The following GALK2 variants were observed in gnomAD, a reference collection of about 807,000 sequenced individuals.
GALK2 encodes galactokinase 2.
Under a neutral mutation model 52.4 loss-of-function variants are expected in GALK2, and 36 were observed. That is an observed-to-expected ratio of 0.69 (90% confidence interval 0.53 to 0.91). GALK2 has a LOEUF of 0.91. Among genes scored for constraint, GALK2 ranks in the 40% least tolerant of loss-of-function variants. The pLI is 0.00. For missense variants in GALK2, 579 were observed against 559.1 expected (o/e 1.04, Z -0.36); for synonymous variants, 176 against 199.1 (o/e 0.88, Z 0.98).
chr15:49,197,167 T>C (rs1021940630), intron 1 of GALK2, among the ~76,000 whole-genome samples: 3 of 152,236 alleles, frequency 2.0e-5, no homozygotes, highest in Non-Finnish European at 4.4e-5. Context: ...TTGATCAGGA[T>C]TACTACTTGT....
chr15:49,308,369 C>T (rs2035716911), intron 8 of GALK2, among the ~76,000 whole-genome samples: 1 of 152,150 alleles, frequency 6.6e-6, no homozygotes, highest in Non-Finnish European at 1.5e-5. Context: ...CTTTTAGCCC[C>T]TCACTCAAAC....
At chr15:49,341,414 C>T (rs1351884746) in intron 3 of GALK2, among the ~76,000 whole-genome samples, 2 of 152,074 alleles carry the variant, frequency 1.3e-5, no homozygotes, top group Non-Finnish European at 2.9e-5. Context: ...TTGTTTGTGT[C>T]ACCTATGATT....
rs770710586 is a variant in GALK2 at position 49,201,131 on chromosome 15, A to G, written c.54-31A>G. On this transcript the variant is annotated intron_variant, in intron 1 of 9. Transcript: ENST00000560031. ...TATGTTACGGATTTTCTGTTATATG[A>G]TATTCTGAAATATTGTACTTTTATT... The G allele has an allele frequency of 3.3e-6, 4 of 1,194,664 alleles. No homozygotes were observed. In the South Asian group the frequency reaches 4.9e-5, roughly 15 times the overall value. 74.0% of individuals were successfully genotyped at this position (1,194,664 alleles called of 1,614,324 possible).
At chr15:49,200,325 TACCC>T (rs943600309) in intron 1 of GALK2, among the ~76,000 whole-genome samples, 5 of 152,236 alleles carry the variant, frequency 3.3e-5, no homozygotes, top group African/African-American at 1.2e-4. Context: ...GGTTTCCTGA[TACCC>T]AGTCTAGTTT....
chr15:49,211,059 C>T (rs1421456327), intron 2 of GALK2, among the ~76,000 whole-genome samples: 5 of 152,022 alleles, frequency 3.3e-5, no homozygotes, highest in African/African-American at 9.7e-5. Context: ...AACTTGTTCA[C>T]TCTGCTTCCC....
chr15:49,176,236 T>C (rs1057397489), intron 1 of GALK2, among the ~76,000 whole-genome samples: 1 of 152,266 alleles, frequency 6.6e-6, no homozygotes, highest in African/African-American at 2.4e-5. Flanking sequence ...GCTTCCCCTG[T>C]TATCTTGATG....
At chr15:49,343,142 CCTCT>C (rs1159858292) in intron 3 of GALK2, among the ~76,000 whole-genome samples, 1 of 152,034 alleles carries the variant, frequency 6.6e-6, no homozygotes, top group Non-Finnish European at 1.5e-5. Flanking sequence ...TACTTTTTCT[CCTCT>C]CTCAGGAATG....
rs2032774062 is a variant in GALK2 at position 49,282,037 on chromosome 15, A to G, written c.555A>G (p.Glu185=). The G allele has an allele frequency of 6.2e-7, 1 of 1,613,766 alleles. No individual in the cohort carries two copies. Among genetic ancestry groups the G allele is most frequent in the Admixed American group, 1.7e-5 (1 of 60,000 alleles). ...CAKSERYIGT[E]GGGMDQSISF... ...AGAGTGAGCGTTACATTGGCACTGA[A>G]GGAGGAGGCATGGACCAGTCTATAT... The change falls in exon 6 of 10, where the codon GAA becomes GAG. Residue 185 remains glutamate, a synonymous_variant. Coordinates refer to ENST00000560031, the MANE Select transcript of GALK2 (RefSeq NM_002044.4).
Position 49,319,765 on chromosome 15 carries a change from T to C in GALK2, c.1129T>C (p.Cys377Arg). 6.2e-7 allele frequency: 1 copy of C among 1,613,980 alleles called. No homozygotes were observed. Among genetic ancestry groups the C allele is most frequent in the Middle Eastern group, 1.7e-4 (1 of 6,004 alleles). ...SHMSCRDMYE[C>R]SCPELDQLVD... is the part of the protein sequence containing the mutation. ...CATGAGCTGCCGGGACATGTATGAG[T>C]GCAGCTGCCCCGAGCTGGATCAGCT... The change falls in exon 9 of 10, where the codon TGC (cysteine) becomes CGC (arginine). Residue 377 changes from cysteine to arginine, a missense_variant. Cys to Arg is a radical substitution (Grantham distance 180). Coordinates refer to ENST00000560031, the MANE Select transcript of GALK2 (RefSeq NM_002044.4).
Position 49,329,728 on chromosome 15 carries a change from T to A in GALK2, c.*1569T>A, listed in dbSNP as rs1266909723. ...TGAATTTATTTAAATTTATAATCCT[T>A]TATTTTTTAATACCGTGCCATTTTC... On this transcript the variant is annotated 3_prime_UTR_variant, in exon 10 of 10. Transcript: ENST00000560031. 1 of 973,824 alleles carries A rather than the reference T, an allele frequency of 1.0e-6. No homozygotes were observed. Among genetic ancestry groups the A allele is most frequent in the Non-Finnish European group, 1.2e-6 (1 of 819,560 alleles). 60.3% of individuals were successfully genotyped at this position (973,824 alleles called of 1,614,324 possible). A position where few individuals can be genotyped will look rare whatever the true frequency, so the allele number is the denominator to read the frequency against.
At chr15:49,335,522 A>AT, downstream of GALK2, 5 of 1,561,160 alleles carry the variant, frequency 3.2e-6, no homozygotes, top group Non-Finnish European at 4.4e-6. Context: ...TTAAGGAATG[A>AT]TTTTCAATTA....
intron 5 of GALK2, among the ~76,000 whole-genome samples, chr15:49,258,577 G>A (rs1029629864): frequency 6.6e-6 from 1 of 151,972 alleles, no homozygotes; most frequent in Non-Finnish European, 1.5e-5. Context: ...TTTAACCACT[G>A]TGCTATACAC....
upstream of GALK2, among the ~76,000 whole-genome samples, chr15:49,168,034 T>C (rs2084878830): frequency 6.6e-6 from 1 of 152,232 alleles, no homozygotes; most frequent in Non-Finnish European, 1.5e-5. Flanking sequence ...AGAAGTAGTA[T>C]GGCCTCTAGG....
intron 1 of GALK2, chr15:49,178,317 ATATG>A (rs972341687): frequency 5.3e-5 from 7 of 132,736 alleles, no homozygotes; most frequent in African/African-American, 1.0e-4. Flanking sequence ...GTATGCACAT[ATATG>A]TATGTACATA....
intron 5 of GALK2, among the ~76,000 whole-genome samples, chr15:49,243,989 A>T (rs2091224658): frequency 6.6e-6 from 1 of 152,090 alleles, no homozygotes; most frequent in South Asian, 2.1e-4. Flanking sequence ...GAACTCTCTG[A>T]TATAGTAGGG....
At chr15:49,366,676 C>G in intron 3 of GALK2, 1 of 1,517,002 alleles carries the variant, frequency 6.6e-7, no homozygotes, top group Non-Finnish European at 9.1e-7. Context: ...GCCGCCGCTG[C>G]GGCCCCATCG....
chr15:49,187,439 G>A (rs1229478816), intron 1 of GALK2, among the ~76,000 whole-genome samples: 1 of 152,164 alleles, frequency 6.6e-6, no homozygotes, highest in Non-Finnish European at 1.5e-5. Flanking sequence ...ACCATGTCAT[G>A]GTTACCACTG....
At chr15:49,296,078 C>T (rs2034450494) in intron 8 of GALK2, among the ~76,000 whole-genome samples, 2 of 152,160 alleles carry the variant, frequency 1.3e-5, no homozygotes, top group South Asian at 4.1e-4. Flanking sequence ...AAAAATGAGG[C>T]ATGCTTCATC....
At chr15:49,176,263 T>C (rs1435465558) in intron 1 of GALK2, among the ~76,000 whole-genome samples, 2 of 152,248 alleles carry the variant, frequency 1.3e-5, no homozygotes, top group Non-Finnish European at 2.9e-5. Flanking sequence ...TAATCTGTGA[T>C]ACAAAGTACA....
Sources: gnomAD v4.1 joint callset for allele counts (sites outside exome capture counted in the v4.1 genomes callset) on GRCh38, gnomAD v4.1.1 for gene constraint, MANE v1.5 for transcripts, NCBI Gene and HGNC (gene_info 2026-07-23, HGNC 2026-07-21) for gene names.